ASIC2: variants seen among roughly 807,000 people sequenced by gnomAD.
ASIC2 encodes acid sensing ion channel subunit 2.
A neutral mutation model predicts 57.3 loss-of-function variants in ASIC2; 25 were observed. The observed-to-expected ratio is 0.44, with a 90% confidence interval of 0.32 to 0.61. The LOEUF is 0.61. ASIC2 is among the 20% of genes least tolerant of loss of function. The probability of loss-of-function intolerance (pLI) is 0.06; values close to 1 mark genes in which losing one functional copy is unlikely to be tolerated. For synonymous variants in ASIC2, 319 were observed against 307.5 expected, an observed-to-expected ratio of 1.04 and a Z score of -0.39; for missense variants, 641 against 738.1, an observed-to-expected ratio of 0.87 and a Z score of 1.52.
intron 1 of ASIC2, among the ~76,000 whole-genome samples, chr17:33,542,799 T>C (rs1915458265): frequency 6.9e-6 from 1 of 144,958 alleles, no homozygotes; most frequent in South Asian, 2.4e-4. Flanking sequence ...GCTTTTGGTG[T>C]TTTGGACATG....
At chr17:34,147,784 G>A (rs1377099961) in intron 1 of ASIC2, among the ~76,000 whole-genome samples, 2 of 152,112 alleles carry the variant, frequency 1.3e-5, no homozygotes, top group South Asian at 2.1e-4. Context: ...AAAAGAGAAA[G>A]CACACAGCAA....
At chr17:34,010,396 G>C (rs1239238332) in intron 1 of ASIC2, among the ~76,000 whole-genome samples, 1 of 152,160 alleles carries the variant, frequency 6.6e-6, no homozygotes, top group Non-Finnish European at 1.5e-5. Context: ...CCACCACTGG[G>C]CTGTATCCTG....
intron 1 of ASIC2, among the ~76,000 whole-genome samples, chr17:33,557,799 C>T (rs556803309): frequency 3.3e-5 from 5 of 152,150 alleles, no homozygotes; most frequent in South Asian, 2.1e-4. Context: ...ACTAAATATC[C>T]CTCCTAAAAA....
intron 1 of ASIC2, among the ~76,000 whole-genome samples, chr17:33,486,392 A>G (rs1388692464): frequency 6.6e-6 from 1 of 152,230 alleles, no homozygotes; most frequent in Non-Finnish European, 1.5e-5. Flanking sequence ...TTCAGAGTCC[A>G]TCAGCTTACT....
At chr17:33,046,440 C>A (rs1043260431) in intron 3 of ASIC2, among the ~76,000 whole-genome samples, 10 of 152,192 alleles carry the variant, frequency 6.6e-5, no homozygotes, top group African/African-American at 9.7e-5. Context: ...CACTTTCCCC[C>A]ACCTGAGTGG....
At chr17:34,011,236 C>T (rs1906744890) in intron 1 of ASIC2, among the ~76,000 whole-genome samples, 1 of 152,124 alleles carries the variant, frequency 6.6e-6, no homozygotes, top group South Asian at 2.1e-4. Context: ...CACACTGAAA[C>T]AGAAACGCAG....
At chr17:34,034,851 T>A (rs547429194) in intron 1 of ASIC2, among the ~76,000 whole-genome samples, 1 of 151,882 alleles carries the variant, frequency 6.6e-6, no homozygotes, top group African/African-American at 2.4e-5. Context: ...CACTGCTCAA[T>A]GAAATAAAAG....
At chr17:33,337,011 T>C (rs1474463846) in intron 1 of ASIC2, among the ~76,000 whole-genome samples, 2 of 152,120 alleles carry the variant, frequency 1.3e-5, no homozygotes, top group African/African-American at 2.4e-5. Context: ...CTCCAGAGAA[T>C]GTCCAGCTCC....
intron 1 of ASIC2, among the ~76,000 whole-genome samples, chr17:33,975,137 G>A (rs1288517550): frequency 6.6e-6 from 1 of 152,184 alleles, no homozygotes; most frequent in African/African-American, 2.4e-5. Flanking sequence ...ATGAAATCAT[G>A]CTTGAAAGTT....
chr17:33,780,260 C>T (rs1911411109), intron 1 of ASIC2, among the ~76,000 whole-genome samples: 1 of 152,084 alleles, frequency 6.6e-6, no homozygotes, highest in Non-Finnish European at 1.5e-5. Flanking sequence ...GGTCAGCCAC[C>T]ACACCTGGCC....
rs1243635837 is a variant in ASIC2 at position 33,293,228 on chromosome 17, C to T, written c.-1113G>A. ...TTGGGCCCCAGGCGAACTTGGGCAG[C>T]GGCCGCGCGACGCTGGCGCGGCTGG... On this transcript the variant is annotated 5_prime_UTR_variant, in exon 1 of 10. Coordinates refer to ENST00000225823, the MANE Select transcript of ASIC2 (RefSeq NM_183377.2). Among the ~76,000 whole-genome samples the T allele has an allele frequency of 3.3e-5, 5 of 152,174 alleles. No homozygotes were observed. In the East Asian group the frequency reaches 9.7e-4, roughly 30 times the overall value.
intron 1 of ASIC2, among the ~76,000 whole-genome samples, chr17:33,946,694 C>A (rs978658370): frequency 1.3e-5 from 2 of 152,148 alleles, no homozygotes; most frequent in Non-Finnish European, 2.9e-5. Context: ...AGAGTCTAAA[C>A]CCAGAGTCAA....
chr17:33,299,294 C>T (rs1905851590), intron 1 of ASIC2, among the ~76,000 whole-genome samples: 1 of 152,206 alleles, frequency 6.6e-6, no homozygotes, highest in African/African-American at 2.4e-5. Context: ...GTCAATGCTA[C>T]TGGTGGCATG....
At chr17:33,932,818 T>A (rs1915973779) in intron 1 of ASIC2, 2 of 149,386 alleles carry the variant, frequency 1.3e-5, no homozygotes, top group Non-Finnish European at 3.0e-5. Context: ...CTGGAAACTT[T>A]AAAAGTGCCT....
intron 1 of ASIC2, among the ~76,000 whole-genome samples, chr17:33,894,856 C>T (rs2141949866): frequency 6.6e-6 from 1 of 152,166 alleles, no homozygotes; most frequent in East Asian, 1.9e-4. Flanking sequence ...AATCCCAGGC[C>T]CTTCTAGTTT....
intron 1 of ASIC2, among the ~76,000 whole-genome samples, chr17:33,927,726 C>T (rs1915852778): frequency 6.6e-6 from 1 of 152,148 alleles, no homozygotes. Flanking sequence ...ATCACTTGCC[C>T]AGTGTCATTC....
intron 1 of ASIC2, among the ~76,000 whole-genome samples, chr17:33,949,186 T>A (rs1426636957): frequency 6.6e-6 from 1 of 151,838 alleles, no homozygotes; most frequent in African/African-American, 2.4e-5. Flanking sequence ...TGTGGGTGAG[T>A]TTTCTTCAGC....
intron 1 of ASIC2, among the ~76,000 whole-genome samples, chr17:33,605,059 T>C (rs960193212): frequency 6.6e-6 from 1 of 152,000 alleles, no homozygotes; most frequent in Non-Finnish European, 1.5e-5. Context: ...GGAACCCAGG[T>C]AGACTTTGAA....
At chr17:33,132,097 G>A (rs948734083) in intron 1 of ASIC2, among the ~76,000 whole-genome samples, 5 of 152,206 alleles carry the variant, frequency 3.3e-5, no homozygotes, top group Admixed American at 3.3e-4. Flanking sequence ...GGTCTGCCTA[G>A]CCTGACCTGG....
Sources: allele counts gnomAD v4.1 joint callset (sites outside exome capture counted in the v4.1 genomes callset), GRCh38; gene constraint gnomAD v4.1.1; transcripts MANE v1.5; gene names NCBI Gene and HGNC (gene_info 2026-07-23, HGNC 2026-07-21).